NEK1: variants seen among roughly 807,000 people sequenced by gnomAD.
NEK1 encodes serine/threonine-protein kinase Nek1.
NEK1 carries 137 observed loss-of-function variants against 182.1 expected under a neutral mutation model. That is an observed-to-expected ratio of 0.75 (90% CI 0.65 to 0.87). The LOEUF is 0.87. Ranked by LOEUF, NEK1 falls within the 40% of genes least tolerant of loss-of-function variation. The pLI is 0.00. For missense variants in NEK1, 1,391 were observed against 1,494.4 expected (o/e 0.93, Z 1.14); for synonymous variants, 513 against 492.2 (o/e 1.04, Z -0.56).
At chr4:169,449,682 T>C (rs1300296827) in intron 27 of NEK1, among the ~76,000 whole-genome samples, 2 of 151,956 alleles carry the variant, frequency 1.3e-5, no homozygotes, top group African/African-American at 4.8e-5. Context: ...GTCACCAACA[T>C]CAAAGACTAA....
intron 19 of NEK1, among the ~76,000 whole-genome samples, chr4:169,524,648 C>A (rs896400193): frequency 2.0e-5 from 3 of 151,922 alleles, no homozygotes; most frequent in African/African-American, 7.3e-5. Context: ...TGGCTACCTG[C>A]AGGGAAAGGT....
At chr4:169,413,574 A>G (rs1734020107) in intron 31 of NEK1, among the ~76,000 whole-genome samples, 1 of 152,222 alleles carries the variant, frequency 6.6e-6, no homozygotes, top group Non-Finnish European at 1.5e-5. Flanking sequence ...ATAAAGTACA[A>G]ATTTAAATGA....
At chr4:169,604,813 G>A (rs1036471284) in intron 2 of NEK1, among the ~76,000 whole-genome samples, 6 of 152,254 alleles carry the variant, frequency 3.9e-5, no homozygotes, top group Non-Finnish European at 5.9e-5. Flanking sequence ...CTCTACCTTA[G>A]AAAACAAGAT....
At chr4:169,602,151 C>A in intron 3 of NEK1, 47 bp from the exon 4 acceptor site, 3 of 1,375,622 alleles carry the variant, frequency 2.2e-6, no homozygotes, top group Non-Finnish European at 3.1e-6. Context: ...CATTAATAAA[C>A]AACCTAAAAG....
intron 11 of NEK1, among the ~76,000 whole-genome samples, chr4:169,579,258 T>C (rs759690343): frequency 2.0e-5 from 3 of 152,310 alleles, no homozygotes; most frequent in Non-Finnish European, 4.4e-5. Context: ...AACCAAATGC[T>C]CTTACGACAA....
At chr4:169,438,328 G>A in intron 27 of NEK1, 69 bp from the exon 28 acceptor site, 3 of 1,247,886 alleles carry the variant, frequency 2.4e-6, no homozygotes, top group Non-Finnish European at 3.3e-6. Flanking sequence ...AATGGCATTG[G>A]GGGCAAAGTT....
intron 31 of NEK1, among the ~76,000 whole-genome samples, chr4:169,417,784 C>T (rs552528195): frequency 6.6e-6 from 1 of 152,094 alleles, no homozygotes; most frequent in African/African-American, 2.4e-5. Flanking sequence ...AAACAATAAG[C>T]AGCACAAGAC....
chr4:169,444,667 C>T (rs777192419), intron 27 of NEK1, among the ~76,000 whole-genome samples: 51 of 152,152 alleles, frequency 3.4e-4, no homozygotes, highest in African/African-American at 1.1e-3. Context: ...TGGACTTCAA[C>T]GCCCCATGGA....
chr4:169,548,282 A>T (rs909947801), intron 18 of NEK1, among the ~76,000 whole-genome samples: 3 of 152,212 alleles, frequency 2.0e-5, no homozygotes, highest in Non-Finnish European at 4.4e-5. Flanking sequence ...TCGCCTGGGT[A>T]TCACTGGCAG....
intron 23 of NEK1, among the ~76,000 whole-genome samples, chr4:169,494,870 G>C (rs1750861992): frequency 6.6e-6 from 1 of 152,138 alleles, no homozygotes; most frequent in Admixed American, 6.5e-5. Flanking sequence ...ATTTTTTCAT[G>C]TGTCTTTTGG....
intron 26 of NEK1, among the ~76,000 whole-genome samples, chr4:169,465,074 G>C (rs918793706): frequency 3.3e-5 from 5 of 152,016 alleles, no homozygotes; most frequent in Non-Finnish European, 5.9e-5. Context: ...TATTGATACA[G>C]TTAATGTACC....
intron 28 of NEK1, among the ~76,000 whole-genome samples, 193 bp downstream of exon 28, chr4:169,437,890 C>T (rs1738719730): frequency 6.6e-6 from 1 of 152,032 alleles, no homozygotes; most frequent in South Asian, 2.1e-4. Context: ...GTTGGTGTTT[C>T]AACACTAAGT....
intron 5 of NEK1, among the ~76,000 whole-genome samples, chr4:169,597,861 A>C (rs1211904663): frequency 6.6e-6 from 1 of 151,842 alleles, no homozygotes; most frequent in East Asian, 1.9e-4. Context: ...GTGAACCCGG[A>C]AGGCGGAGGT....
chr4:169,465,318 TC>T (rs1172337621), intron 26 of NEK1, among the ~76,000 whole-genome samples: 1 of 151,544 alleles, frequency 6.6e-6, no homozygotes, highest in Non-Finnish European at 1.5e-5. Context: ...AACCCTCCTG[TC>T]CCCCCCACCA....
intron 23 of NEK1, among the ~76,000 whole-genome samples, chr4:169,504,704 A>G (rs2149681290): frequency 6.6e-6 from 1 of 152,306 alleles, no homozygotes; most frequent in Non-Finnish European, 1.5e-5. Flanking sequence ...AATTCATGGA[A>G]ACGGAACATG....
intron 19 of NEK1, among the ~76,000 whole-genome samples, chr4:169,524,333 G>A (rs572281407): frequency 6.6e-6 from 1 of 151,896 alleles, no homozygotes; most frequent in South Asian, 2.1e-4. Context: ...GTGTGGTGGC[G>A]CATGCCTGTA....
At chr4:169,571,775 C>G (rs537583524) in intron 12 of NEK1, among the ~76,000 whole-genome samples, 17 of 152,168 alleles carry the variant, frequency 1.1e-4, no homozygotes, top group African/African-American at 4.1e-4. Context: ...TGTCTCCAGG[C>G]TGGAGGGCAG....
chr4:169,479,169 T>C (rs1228522027), intron 24 of NEK1, among the ~76,000 whole-genome samples: 1 of 152,118 alleles, frequency 6.6e-6, no homozygotes, highest in Non-Finnish European at 1.5e-5. Context: ...AATATTCTTT[T>C]AAAGTAATAT....
At chr4:169,479,561 A>G in intron 23 of NEK1, 27 bp from the exon 24 acceptor site, 1 of 1,537,090 alleles carries the variant, frequency 6.5e-7, no homozygotes, top group East Asian at 2.3e-5. Flanking sequence ...TATTAAATAC[A>G]TTAGGGATTT....
Sources: gnomAD v4.1 joint callset for allele counts (sites outside exome capture counted in the v4.1 genomes callset) on GRCh38, gnomAD v4.1.1 for gene constraint, MANE v1.5 for transcripts, NCBI Gene and HGNC (gene_info 2026-07-23, HGNC 2026-07-21) for gene names.